DNAJA3: variants seen among roughly 807,000 people sequenced by gnomAD.
DNAJA3 encodes the protein dnaJ homolog subfamily A member 3, mitochondrial.
In DNAJA3, 29 loss-of-function variants were observed where a neutral mutation model predicts 54.9. That is an observed-to-expected ratio of 0.53 (90% CI 0.39 to 0.72). The LOEUF (loss-of-function observed/expected upper bound fraction) is 0.72. Among genes scored for constraint, DNAJA3 ranks in the 30% least tolerant of loss-of-function variants. The pLI, the probability that DNAJA3 is intolerant of heterozygous loss-of-function variation, is 0.00. For missense variants in DNAJA3, 708 were observed against 639.4 expected, an observed-to-expected ratio of 1.11 and a Z score of -1.16; for synonymous variants, 302 against 251.4, an observed-to-expected ratio of 1.20 and a Z score of -1.90.
chr16:4,448,796 A>AACAGCT lies in DNAJA3; in HGVS notation c.1192_1197dup (p.Ser398_Tyr399dup), dbSNP rs1407668104. ...GGGTGGGAAAGGCATCCCCCGGATT[A>AACAGCT]ACAGCTACGGCTACGGAGACCACTA... On this transcript the variant is annotated inframe_insertion, in exon 9 of 12. Coordinates refer to ENST00000262375, the MANE Select transcript of DNAJA3 (RefSeq NM_005147.6). The AACAGCT allele has an allele frequency of 1.2e-6, 2 of 1,614,142 alleles. No homozygotes were observed. Among genetic ancestry groups the AACAGCT allele is most frequent in the South Asian group, 2.2e-5 (2 of 91,074 alleles).
Position 4,444,625 on chromosome 16 carries a change from C to T in DNAJA3, c.932-39C>T, listed in dbSNP as rs536564148. On this transcript the variant is annotated intron_variant, in intron 6 of 11. Coordinates refer to ENST00000262375, the MANE Select transcript of DNAJA3 (RefSeq NM_005147.6). ...CTGGGATTACAGGCGTGAGCCACCG[C>T]GTCCTGCCTAACTTCTCCCTTTCTA... is the stretch of plus-strand genomic sequence containing the variant. 21 of 1,587,166 alleles carry T rather than the reference C, an allele frequency of 1.3e-5. No individual in the cohort carries two copies. In the South Asian group the frequency reaches 1.8e-4, roughly 13 times the overall value.
At chr16:4,436,483 A>G (rs1416083344) in intron 2 of DNAJA3, among the ~76,000 whole-genome samples, 1 of 152,212 alleles carries the variant, frequency 6.6e-6, no homozygotes, top group Non-Finnish European at 1.5e-5. Flanking sequence ...TACCTACAAA[A>G]ATAATTGAAA....
At chr16:4,438,173 C>T (rs1416295963) in intron 3 of DNAJA3, among the ~76,000 whole-genome samples, 5 of 152,014 alleles carry the variant, frequency 3.3e-5, no homozygotes, top group African/African-American at 7.2e-5. Flanking sequence ...AAAAATTAGC[C>T]GGGCATGGCG....
At chr16:4,431,551 A>C (rs920167035) in intron 1 of DNAJA3, 1 of 151,252 alleles carries the variant, frequency 6.6e-6, no homozygotes, top group African/African-American at 2.4e-5. Context: ...ATTAACTTCG[A>C]GTAGTCTCCC....
chr16:4,447,141 G>A, intron 8 of DNAJA3, 127 bp downstream of exon 8: 1 of 1,146,392 alleles, frequency 8.7e-7, no homozygotes, highest in Non-Finnish European at 1.2e-6. Context: ...TCACAGGGGA[G>A]GACATGAGGA....
intron 1 of DNAJA3, chr16:4,430,423 CGTG>C (rs1490496954): frequency 1.3e-5 from 2 of 151,534 alleles, no homozygotes; most frequent in Middle Eastern, 3.5e-3. Flanking sequence ...GTTGGTCAGG[CGTG>C]GTGGCGGGTT....
rs932545070 is a variant in DNAJA3 at position 4,455,847 on chromosome 16, T to C, written c.*315T>C. On this transcript the variant is annotated 3_prime_UTR_variant, in exon 12 of 12. Transcript: ENST00000262375. ...ACTCTTGCAGGGCTAAAACTCTAAT[T>C]TGGAATTGAATATTGTGGATATCTT... is the stretch of plus-strand genomic sequence containing the variant. 14 of 550,530 alleles carry C rather than the reference T, an allele frequency of 2.5e-5. No homozygotes were observed. Among genetic ancestry groups the C allele is most frequent in the Non-Finnish European group, 4.2e-5 (13 of 307,838 alleles). The allele number at this position is 550,530 out of a possible 1,614,324, so 34.1% of individuals were successfully genotyped here.
chr16:4,426,129 G>C, intron 1 of DNAJA3, 37 bp downstream of exon 1: 7 of 1,516,466 alleles, frequency 4.6e-6, no homozygotes, highest in Non-Finnish European at 6.2e-6. Flanking sequence ...GGCGGTTTCA[G>C]GGCCTAGAAA....
At position 4,441,535 on chromosome 16, in the gene DNAJA3, C is replaced by T; in HGVS notation, c.590C>T (p.Ser197Leu). ...RKIFGEFSSS[S>L]FGDFQTVFDQ... ...ATCTTTGGCGAGTTCTCATCCTCTT[C>T]ATTTGGAGATTTCCAGACCGTGTTT... The change falls in exon 4 of 12, where the codon TCA becomes TTA. Residue 197 changes from serine (S) to leucine (L), a missense_variant. Coordinates refer to ENST00000262375, the MANE Select transcript of DNAJA3 (RefSeq NM_005147.6). The T allele has an allele frequency of 1.2e-5, 20 of 1,614,138 alleles. No individual in the cohort carries two copies. The highest frequency in any genetic ancestry group is 1.6e-5 in the Non-Finnish European group (19 of 1,180,042).
intron 3 of DNAJA3, among the ~76,000 whole-genome samples, chr16:4,439,118 G>C (rs2141379175): frequency 6.6e-6 from 1 of 151,808 alleles, no homozygotes; most frequent in East Asian, 1.9e-4. Context: ...GGCCAAGACA[G>C]GCAGATCAGG....
chr16:4,448,453 C>G (rs918889498), intron 8 of DNAJA3, among the ~76,000 whole-genome samples: 14 of 152,136 alleles, frequency 9.2e-5, no homozygotes, highest in African/African-American at 3.4e-4. Context: ...AAGCAATTCT[C>G]CTACCTCAGC....
chr16:4,443,256 G>A, intron 6 of DNAJA3, 92 bp downstream of exon 6: 4 of 1,504,208 alleles, frequency 2.7e-6, no homozygotes, highest in Non-Finnish European at 3.6e-6. Context: ...ACAGGGCCGA[G>A]GCCACTGCAC....
Position 4,442,426 on chromosome 16 carries a change from G to A in DNAJA3, c.783+6G>A. On this transcript the variant is annotated splice_donor_region_variant and intron_variant, in intron 5 of 11. Transcript: ENST00000262375. Reference sequence around the variant, plus strand: ...ACTGTGGCGGCTCCGGCATGGTAAGGCTCTGCCCGAGACTCCACCTCCCAC... The same window carrying A: ...ACTGTGGCGGCTCCGGCATGGTAAGACTCTGCCCGAGACTCCACCTCCCAC... The A allele has an allele frequency of 6.3e-7, 1 of 1,587,634 alleles. No individual in the cohort carries two copies. The highest frequency in any genetic ancestry group is 8.6e-7 in the Non-Finnish European group (1 of 1,165,900).
At chr16:4,447,042 AC>A in intron 8 of DNAJA3, 28 bp downstream of exon 8, 1 of 1,601,836 alleles carries the variant, frequency 6.2e-7, no homozygotes, top group African/African-American at 1.3e-5. Flanking sequence ...CACCTTTGTC[AC>A]CCCTGTACTT....
chr16:4,444,988 TTG>T (rs2056885930), intron 7 of DNAJA3, among the ~76,000 whole-genome samples: 1 of 152,206 alleles, frequency 6.6e-6, no homozygotes, highest in Non-Finnish European at 1.5e-5. Context: ...AGGAAACATC[TTG>T]TGTTTTTATG....
At chr16:4,444,837 T>C in intron 7 of DNAJA3, 109 bp downstream of exon 7, 2 of 1,038,978 alleles carry the variant, frequency 1.9e-6, no homozygotes, top group Non-Finnish European at 2.9e-6. Flanking sequence ...TGTCTCGCCA[T>C]TCATGTTTCT....
chr16:4,435,015 G>A (rs2056756884), intron 2 of DNAJA3, among the ~76,000 whole-genome samples: 2 of 148,246 alleles, frequency 1.3e-5, no homozygotes, highest in South Asian at 4.3e-4. Context: ...TCCTGTGTCC[G>A]CCTCCCAAGT....
rs1468785026 is a variant in DNAJA3 at position 4,426,506 on chromosome 16, A to C, written c.211+414A>C. On this transcript the variant is annotated intron_variant, in intron 1 of 11. Transcript: ENST00000262375. ...ATGCCTGCCGTCATCACCATTTTAA[A>C]GAATGAGAAACTGAGATTCAACGGA... Among the ~76,000 whole-genome samples the C allele has an allele frequency of 2.0e-5, 3 of 152,376 alleles. No homozygotes were observed. In the East Asian group the frequency reaches 5.8e-4, roughly 29 times the overall value.
chr16:4,449,661 C>A (rs188795789), intron 9 of DNAJA3: 1 of 152,518 alleles, frequency 6.6e-6, no homozygotes, highest in African/African-American at 2.4e-5. Context: ...AGGTGTGAGC[C>A]AGCACGCCTG....
Sources: gnomAD v4.1 joint callset for allele counts (sites outside exome capture counted in the v4.1 genomes callset) on GRCh38, gnomAD v4.1.1 for gene constraint, MANE v1.5 for transcripts, NCBI Gene and HGNC (gene_info 2026-07-23, HGNC 2026-07-21) for gene names.